Variants in HPS1 observed in about 807,000 individuals in gnomAD.
HPS1 encodes the protein BLOC-3 complex member HPS1.
HPS1 carries 59 observed loss-of-function variants against 90.6 expected under a neutral mutation model. The ratio of observed to expected loss-of-function variants is 0.65; its 90% CI spans 0.53 to 0.81. The LOEUF (loss-of-function observed/expected upper bound fraction) is 0.81, where lower values mean the gene tolerates loss of function less well. Among genes scored for constraint, HPS1 ranks in the 30% least tolerant of loss-of-function variants. The probability of loss-of-function intolerance (pLI) is 0.00; values close to 1 mark genes in which losing one functional copy is unlikely to be tolerated. For missense variants in HPS1, 849 were observed against 896.7 expected, an observed-to-expected ratio of 0.95 and a Z score of 0.68; for synonymous variants, 388 against 384.4, an observed-to-expected ratio of 1.01 and a Z score of -0.11.
At chr10:98,441,614 T>C (rs1393113692) in intron 3 of HPS1, among the ~76,000 whole-genome samples, 1 of 152,152 alleles carries the variant, frequency 6.6e-6, no homozygotes, top group African/African-American at 2.4e-5. Context: ...AACATGTATC[T>C]GATAAAGGAT....
At chr10:98,415,271 T>A (rs111435550), downstream of HPS1, 5,237 of 1,221,452 alleles carry the variant, frequency 4.3e-3, 148 homozygotes, top group African/African-American at 0.065. Context: ...CCCTCCACCA[T>A]GCATTCTTGG....
downstream of HPS1, chr10:98,414,226 G>A (rs1014729121): frequency 6.6e-6 from 1 of 152,104 alleles, no homozygotes; most frequent in African/African-American, 2.4e-5. Flanking sequence ...TGCATGTTGA[G>A]TGCCGTCTGC....
In HPS1 at chr10:98,430,530, T is replaced by G. The variant is rs1846288184; in HGVS notation, c.768+41A>C. On this transcript the variant is annotated intron_variant, in intron 8 of 19. Coordinates refer to ENST00000361490, the MANE Select transcript of HPS1 (RefSeq NM_000195.5). The stretch of plus-strand genomic sequence containing the variant: ...CTTCAGGCAGGTTTTCTGAACTACC[T>G]CCCTAATGGCCTCCCTCTGCCCAGA... The G allele has an allele frequency of 4.7e-6, 7 of 1,485,732 alleles. No homozygotes were observed. The East Asian group carries it at 1.7e-4, about 37-fold the overall frequency. The allele number at this position is 1,485,732 out of a possible 1,614,324, so 92.0% of individuals were successfully genotyped here.
Position 98,425,955 on chromosome 10 carries a change from G to T in HPS1, c.1018C>A (p.Pro340Thr), listed in dbSNP as rs987840036. ...GGGCCGGAAGGCACAGGGCAGTGGGGAACCAGTGTTTGGAGGGTGTCCTCT... is the reference window on the plus strand; with the variant it reads ...GGGCCGGAAGGCACAGGGCAGTGGGTAACCAGTGTTTGGAGGGTGTCCTCT... ...IAEDTLQTLVPHCPVPSGPRR... is the reference protein window; with the variant it reads ...IAEDTLQTLVTHCPVPSGPRR... The change falls in exon 12 of 20, where the codon CCC becomes ACC. Residue 340 changes from proline (P) to threonine (T), a missense_variant. Pro to Thr is a conservative substitution (Grantham distance 38, BLOSUM62 -1). Coordinates refer to ENST00000361490, the MANE Select transcript of HPS1 (RefSeq NM_000195.5). 3 of 1,614,094 alleles carry T rather than the reference G, an allele frequency of 1.9e-6. No individual in the cohort carries two copies. Among genetic ancestry groups the T allele is most frequent in the Admixed American group, 1.7e-5 (1 of 60,034 alleles).
chr10:98,438,162 G>A (rs1564865657), intron 3 of HPS1, among the ~76,000 whole-genome samples: 2 of 152,178 alleles, frequency 1.3e-5, no homozygotes, highest in Non-Finnish European at 2.9e-5. Flanking sequence ...GTTCTTTATA[G>A]TGGTACGAAA....
intron 16 of HPS1, 140 bp from the exon 17 acceptor site, chr10:98,422,653 C>T (rs1845045763): frequency 3.5e-6 from 3 of 849,494 alleles, no homozygotes; most frequent in Admixed American, 3.7e-5. Flanking sequence ...CAGCTAAGCC[C>T]CCTGTATCCT....
chr10:98,434,002 TC>T lies in HPS1; in HGVS notation c.487del (p.Glu163SerfsTer12), dbSNP rs1846917507. The T allele has an allele frequency of 6.4e-7, 1 of 1,558,922 alleles. No homozygotes were observed. Among genetic ancestry groups the T allele is most frequent in the African/African-American group, 1.4e-5 (1 of 73,582 alleles). Reference protein sequence around the residue: ...LWTYSRLREQEQCFAVEALER... With the variant: ...LWTYSRLREQXQCFAVEALER... ...AGTCACCTCCACGGCGAAGCACTGC[TC>T]CTGCTCCCGCAGGCGGCTGTAGGTC... On this transcript the variant is annotated frameshift_variant, in exon 6 of 20. Coordinates refer to ENST00000361490, the MANE Select transcript of HPS1 (RefSeq NM_000195.5). LOFTEE classifies it high-confidence loss of function.
intron 7 of HPS1, 67 bp from the exon 8 acceptor site, chr10:98,430,737 A>G: frequency 1.5e-6 from 2 of 1,314,062 alleles, no homozygotes; most frequent in Non-Finnish European, 2.1e-6. Context: ...GGCAGGTTAA[A>G]GGAGTGTGGA....
At chr10:98,432,972 T>C (rs1418416410) in intron 6 of HPS1, among the ~76,000 whole-genome samples, 1 of 152,188 alleles carries the variant, frequency 6.6e-6, no homozygotes, top group Non-Finnish European at 1.5e-5. Flanking sequence ...CTGTGGCTCA[T>C]GCCTGTAATC....
In HPS1 at chr10:98,416,789, G is replaced by A. The variant is rs1403959182; in HGVS notation, c.*775C>T. The A allele has an allele frequency of 6.6e-6, 1 of 152,334 alleles. No homozygotes were observed. Among genetic ancestry groups the A allele is most frequent in the Admixed American group, 6.5e-5 (1 of 15,286 alleles). The allele number at this position is 152,334 out of a possible 1,614,324, so 9.4% of individuals were successfully genotyped here. A position where few individuals can be genotyped will look rare whatever the true frequency, so the allele number is the denominator to read the frequency against. On this transcript the variant is annotated 3_prime_UTR_variant, in exon 20 of 20. Coordinates refer to ENST00000361490, the MANE Select transcript of HPS1 (RefSeq NM_000195.5). ...ACAGGAACTTCTCGGTTGGAAGAGA[G>A]GGGCTGTACCCCTCGGGTGGTGGTT...
chr10:98,433,101 A>G (rs1846733921), intron 6 of HPS1, among the ~76,000 whole-genome samples: 1 of 152,028 alleles, frequency 6.6e-6, no homozygotes, highest in Non-Finnish European at 1.5e-5. Flanking sequence ...GCGTGGTGGC[A>G]CGTGCCTGTA....
At chr10:98,429,347 A>C in intron 10 of HPS1, 1 of 1,469,560 alleles carries the variant, frequency 6.8e-7, no homozygotes, top group Non-Finnish European at 9.0e-7. Flanking sequence ...ACTTGTCATC[A>C]ACAGCTTTAG....
chr10:98,422,707 G>GA (rs1457456215), intron 16 of HPS1, among the ~76,000 whole-genome samples, 194 bp from the exon 17 acceptor site: 1 of 152,212 alleles, frequency 6.6e-6, no homozygotes, highest in Non-Finnish European at 1.5e-5. Context: ...CCCAGGCCTT[G>GA]AAAAGCTGTA....
Position 98,425,673 on chromosome 10 carries a change from G to A in HPS1, c.1203C>T (p.Gly401=). Residue 401 remains glycine (G), a synonymous_variant, in exon 13 of 20, where the codon GGC becomes GGT. Coordinates refer to ENST00000361490, the MANE Select transcript of HPS1 (RefSeq NM_000195.5). ...TCAGCTTCTTCTCCAGCATGGAGAAGCCATCCATCAGCTGGGACAGAACCA... is the reference window on the plus strand; with the variant it reads ...TCAGCTTCTTCTCCAGCATGGAGAAACCATCCATCAGCTGGGACAGAACCA... ...LALVLSQLMD[G]FSMLEKKLKE... The A allele has an allele frequency of 1.9e-6, 3 of 1,613,412 alleles. No individual in the cohort carries two copies. The highest frequency in any genetic ancestry group is 2.5e-6 in the Non-Finnish European group (3 of 1,179,860).
intron 17 of HPS1, 24 bp downstream of exon 17, chr10:98,422,345 C>T (rs762032982): frequency 1.9e-6 from 3 of 1,604,008 alleles, no homozygotes; most frequent in Non-Finnish European, 1.7e-6. Context: ...CCCACCCATC[C>T]CCGCCCTGGG....
At chr10:98,416,133 G>T (rs1004832232), downstream of HPS1, 1 of 152,298 alleles carries the variant, frequency 6.6e-6, no homozygotes, top group Non-Finnish European at 1.5e-5. Flanking sequence ...ATCCTAAGAG[G>T]GGGTTCCGAG....
rs562621745 is a variant in HPS1 at position 98,430,000 on chromosome 10, C to T, written c.769-111G>A. 3.2e-4 allele frequency: 289 copies of T among 917,240 alleles called. 2 individuals carry two copies. In the East Asian group the frequency reaches 6.6e-3, roughly 21 times the overall value. 56.8% of individuals were successfully genotyped at this position (917,240 alleles called of 1,614,324 possible). On this transcript the variant is annotated intron_variant, in intron 8 of 19. Coordinates refer to ENST00000361490, the MANE Select transcript of HPS1 (RefSeq NM_000195.5). ...GCCTCCACCCCTCCACCCCTCCACC[C>T]GTTCCGGGTGCAGTCCTGGGTGTGT...
At chr10:98,429,380 A>G in intron 10 of HPS1, 193 bp downstream of exon 10, 1 of 1,526,796 alleles carries the variant, frequency 6.5e-7, no homozygotes, top group Non-Finnish European at 8.8e-7. Flanking sequence ...TGGTCTTAAC[A>G]ATCCTTGAGT....
At chr10:98,442,964 G>T in intron 3 of HPS1, 160 bp downstream of exon 3, 2 of 726,820 alleles carry the variant, frequency 2.8e-6, no homozygotes, top group Admixed American at 1.8e-5. Flanking sequence ...CAACCTTGAG[G>T]ATAAGGGTCT....
Sources: allele counts gnomAD v4.1 joint callset (sites outside exome capture counted in the v4.1 genomes callset), GRCh38; gene constraint gnomAD v4.1.1; transcripts MANE v1.5; gene names NCBI Gene and HGNC (gene_info 2026-07-23, HGNC 2026-07-21).